The following CRB1 variants were observed in gnomAD, a reference collection of about 807,000 sequenced individuals.
CRB1 encodes crumbs cell polarity complex component 1, also known as protein crumbs homolog 1.
In CRB1, 83 loss-of-function variants were observed where a neutral mutation model predicts 120.0. The ratio of observed to expected loss-of-function variants is 0.69; its 90% confidence interval spans 0.58 to 0.83. CRB1 has a LOEUF of 0.83. Ranked by LOEUF, CRB1 falls within the 40% of genes least tolerant of loss-of-function variation. The pLI is 0.00. For missense variants in CRB1, 1,699 were observed against 1,687.6 expected, an observed-to-expected ratio of 1.01 and a Z score of -0.12; for synonymous variants, 625 against 612.5, an observed-to-expected ratio of 1.02 and a Z score of -0.30.
chr1:197,290,792 A>C (rs1656130716), intron 1 of CRB1, among the ~76,000 whole-genome samples: 1 of 151,868 alleles, frequency 6.6e-6, no homozygotes, highest in South Asian at 2.1e-4. Flanking sequence ...GAAGTTAATT[A>C]TCCATTCACT....
chr1:197,259,774 T>A, the CRB1 span, among the ~76,000 whole-genome samples: 2 of 152,190 alleles, frequency 1.3e-5, no homozygotes, highest in African/African-American at 4.8e-5. Context: ...ATACTTGGAA[T>A]AGTTGTTGTT....
chr1:197,366,037 A>T lies in CRB1; in HGVS notation c.1171+9024A>T, dbSNP rs116482670. Among the ~76,000 whole-genome samples the T allele has an allele frequency of 6.6e-3, 1,009 of 152,282 alleles. 18 individuals carry two copies. The highest frequency in any genetic ancestry group is 0.023 in the African/African-American group (973 of 41,546). On this transcript the variant is annotated intron_variant, in intron 5 of 11. Transcript: ENST00000367400. ...AAAAACACTTGTGTTATAGTAGTAT[A>T]AAGAAAAAAAATTTTTTTAATGGCT...
At chr1:197,240,601 A>G in the CRB1 span, among the ~76,000 whole-genome samples, 1 of 152,064 alleles carries the variant, frequency 6.6e-6, no homozygotes, top group South Asian at 2.1e-4. Flanking sequence ...CCACTTCTTT[A>G]TCCAGTCTAT....
At chr1:197,204,907 G>A in the CRB1 span, among the ~76,000 whole-genome samples, 10 of 152,108 alleles carry the variant, frequency 6.6e-5, no homozygotes, top group South Asian at 6.2e-4. Context: ...ATGGTTTCAC[G>A]TCTTAGATTT....
At chr1:197,453,849 T>A (rs1232742841) in intron 11 of CRB1, among the ~76,000 whole-genome samples, 5 of 142,716 alleles carry the variant, frequency 3.5e-5, no homozygotes, top group African/African-American at 1.0e-4. Context: ...ATCAATATTA[T>A]TATTAATATA....
At chr1:197,266,829 C>T (rs932620496), upstream of CRB1, among the ~76,000 whole-genome samples, 2 of 152,014 alleles carry the variant, frequency 1.3e-5, no homozygotes, top group African/African-American at 4.8e-5. Context: ...GATTCTTTAC[C>T]TGAGTCTATT....
At chr1:197,278,130 G>A (rs995579802) in intron 1 of CRB1, among the ~76,000 whole-genome samples, 1 of 151,902 alleles carries the variant, frequency 6.6e-6, no homozygotes, top group African/African-American at 2.4e-5. Flanking sequence ...GTATATTGAA[G>A]CCCTAATCTC....
intron 4 of CRB1, among the ~76,000 whole-genome samples, chr1:197,353,937 G>C (rs1194001245): frequency 6.8e-6 from 1 of 147,202 alleles, no homozygotes; most frequent in Non-Finnish European, 1.5e-5. Flanking sequence ...TTTGGGGCGA[G>C]CAGTATACAT....
intron 1 of CRB1, among the ~76,000 whole-genome samples, chr1:197,301,252 G>C (rs1656844935): frequency 6.6e-6 from 1 of 151,638 alleles, no homozygotes; most frequent in Non-Finnish European, 1.5e-5. Context: ...TGCAACCTCT[G>C]CCTGCTGGGT....
intron 2 of CRB1, among the ~76,000 whole-genome samples, chr1:197,333,460 C>T (rs141149543): frequency 2.9e-4 from 44 of 152,276 alleles, no homozygotes; most frequent in African/African-American, 1.1e-3. Flanking sequence ...TTAAAATTAG[C>T]CAGATTGATT....
In CRB1 at chr1:197,421,278, A is replaced by G. The variant is rs144029476; in HGVS notation, c.1450A>G (p.Thr484Ala). 4.2e-5 allele frequency: 68 copies of G among 1,614,052 alleles called. No individual in the cohort carries two copies. The African/African-American group carries it at 8.1e-4, about 19-fold the overall frequency. Residue 484 changes from threonine to alanine, a missense_variant, in exon 6 of 12, where the codon ACC becomes GCC. Physicochemically the swap from Thr to Ala is moderately conservative, Grantham distance 58. Coordinates refer to ENST00000367400, the MANE Select transcript of CRB1 (RefSeq NM_201253.3). ...GYTGSLCEIATTLSFEGDGFL... is the reference protein window; with the variant it reads ...GYTGSLCEIAATLSFEGDGFL... ...CACCGGGTCCCTGTGTGAAATCGCA[A>G]CCACACTTTCATTTGAGGGCGATGG...
rs534595023 is a variant in CRB1 at position 197,294,620 on chromosome 1, G to A, written c.70+26138G>A. Among the ~76,000 whole-genome samples, 9 of 152,066 alleles carry A rather than the reference G, an allele frequency of 5.9e-5. No homozygotes were observed. In the South Asian group the frequency reaches 1.0e-3, roughly 18 times the overall value. On this transcript the variant is annotated intron_variant, in intron 1 of 11. Coordinates refer to ENST00000367400, the MANE Select transcript of CRB1 (RefSeq NM_201253.3). ...ACACATGCACACATACGTTTATTGC[G>A]GCACTATTCACAATAGCAAAGACTT...
At chr1:197,334,381 CAT>C (rs2125313240) in intron 2 of CRB1, among the ~76,000 whole-genome samples, 1 of 152,180 alleles carries the variant, frequency 6.6e-6, no homozygotes, top group East Asian at 1.9e-4. Flanking sequence ...GTGTTGGAGA[CAT>C]AATCACCAAT....
intron 5 of CRB1, among the ~76,000 whole-genome samples, chr1:197,370,345 G>A (rs566524732): frequency 1.8e-4 from 28 of 152,198 alleles, no homozygotes; most frequent in African/African-American, 6.7e-4. Context: ...GATATTTACA[G>A]AACGTTCTAC....
chr1:197,424,363 G>A (rs773950476), intron 6 of CRB1, among the ~76,000 whole-genome samples: 1 of 152,038 alleles, frequency 6.6e-6, no homozygotes, highest in Non-Finnish European at 1.5e-5. Context: ...ATCTCAACTT[G>A]CCTGCTGCTT....
the CRB1 span, among the ~76,000 whole-genome samples, chr1:197,237,814 C>T: frequency 6.6e-6 from 1 of 152,082 alleles, no homozygotes; most frequent in Non-Finnish European, 1.5e-5. Flanking sequence ...ATCAGCTCTT[C>T]TTTCACTGAT....
At chr1:197,301,075 C>A (rs1427616554) in intron 1 of CRB1, among the ~76,000 whole-genome samples, 5 of 151,742 alleles carry the variant, frequency 3.3e-5, no homozygotes, top group Non-Finnish European at 7.4e-5. Context: ...GACAATGCCC[C>A]TAGTCACCCA....
chr1:197,341,996 T>A (rs1407247995), intron 2 of CRB1, among the ~76,000 whole-genome samples: 1 of 152,198 alleles, frequency 6.6e-6, no homozygotes, highest in African/African-American at 2.4e-5. Context: ...GGTAGAGGTA[T>A]ATGGTAGGTT....
At chr1:197,366,895 T>A (rs1275384230) in intron 5 of CRB1, among the ~76,000 whole-genome samples, 2 of 152,174 alleles carry the variant, frequency 1.3e-5, no homozygotes. Flanking sequence ...TGGTTACTAT[T>A]CTCTAATTCT....
Sources: gnomAD v4.1 joint callset for allele counts (sites outside exome capture counted in the v4.1 genomes callset) on GRCh38, gnomAD v4.1.1 for gene constraint, MANE v1.5 for transcripts, NCBI Gene and HGNC (gene_info 2026-07-23, HGNC 2026-07-21) for gene names.